Variants in AACS observed in about 807,000 individuals in gnomAD.
The protein encoded by AACS is acetoacetyl-CoA synthetase.
Under a neutral mutation model 83.1 loss-of-function variants are expected in AACS, and 69 were observed. The observed-to-expected ratio is 0.83, with a 90% confidence interval of 0.68 to 1.01. The LOEUF (loss-of-function observed/expected upper bound fraction) is 1.01. Ranked by LOEUF, AACS falls within the 50% of genes least tolerant of loss-of-function variation. The pLI is 0.00. For synonymous variants in AACS, 333 were observed against 343.4 expected (o/e 0.97, Z 0.33); for missense variants, 866 against 882.2 (o/e 0.98, Z 0.23).
At chr12:125,095,640 C>T (rs1956591313) in intron 5 of AACS, among the ~76,000 whole-genome samples, 1 of 152,184 alleles carries the variant, frequency 6.6e-6, no homozygotes, top group South Asian at 2.1e-4. Context: ...GCCTCTTCTC[C>T]CTCCCGCCTA....
intron 15 of AACS, 100 bp downstream of exon 15, chr12:125,134,172 TC>T: frequency 7.7e-7 from 1 of 1,292,056 alleles, no homozygotes; most frequent in Non-Finnish European, 1.1e-6. Flanking sequence ...GTGACCCCCT[TC>T]CTGGGCACCT....
chr12:125,107,229 C>T lies in AACS; in HGVS notation c.876C>T (p.Gly292=). The stretch of plus-strand genomic sequence containing the variant: ...CACTGTTCATCATGTTCTCATCGGG[C>T]ACCACGGGCGCACCCAAGTGCATGG... ...SHPLFIMFSS[G]TTGAPKCMVH... is the part of the protein sequence containing the mutation. Residue 292 remains glycine (G), a synonymous_variant, in exon 8 of 18, where the codon GGC becomes GGT. Transcript: ENST00000316519. The T allele has an allele frequency of 6.2e-7, 1 of 1,614,078 alleles. No individual in the cohort carries two copies. Among genetic ancestry groups the T allele is most frequent in the Non-Finnish European group, 8.5e-7 (1 of 1,180,042 alleles).
chr12:125,118,644 G>A lies in AACS; in HGVS notation c.1000G>A (p.Gly334Ser), dbSNP rs780319998. The change falls in exon 10 of 18, where the codon GGC becomes AGC. Residue 334 changes from glycine to serine, a missense_variant. By Grantham distance (56) the Gly-to-Ser change is moderately conservative (BLOSUM62 0). Transcript: ENST00000316519. ...SDILLCYTTV[G>S]WMMWNWMVSL... ...CGCATCCCTCCTGTCTTTGCAGGTC[G>A]GCTGGATGATGTGGAACTGGATGGT... is the stretch of plus-strand genomic sequence containing the variant. 3.7e-6 allele frequency: 6 copies of A among 1,614,058 alleles called. No homozygotes were observed. The highest frequency in any genetic ancestry group is 3.3e-5 in the South Asian group (3 of 91,050).
chr12:125,132,247 G>A (rs1957338856), intron 14 of AACS, among the ~76,000 whole-genome samples: 1 of 152,220 alleles, frequency 6.6e-6, no homozygotes, highest in Non-Finnish European at 1.5e-5. Context: ...TGTCGGGGAA[G>A]TTTTCACAAA....
intron 17 of AACS, 29 bp from the exon 18 acceptor site, chr12:125,142,063 G>C (rs1223339093): frequency 6.2e-7 from 1 of 1,613,248 alleles, no homozygotes; most frequent in Non-Finnish European, 8.5e-7. Context: ...AGGTTTAAAT[G>C]TTCCTGTTTT....
intron 3 of AACS, among the ~76,000 whole-genome samples, chr12:125,080,545 G>A (rs936892012): frequency 2.0e-5 from 3 of 151,332 alleles, no homozygotes; most frequent in African/African-American, 7.3e-5. Context: ...TTTAAACCCG[G>A]CCCTGTCTCG....
At position 125,143,143 on chromosome 12, in the gene AACS, A is replaced by G. The variant is rs1161508745; in HGVS notation, c.*914A>G. 9 of 152,210 alleles carry G rather than the reference A, an allele frequency of 5.9e-5. No homozygotes were observed. The highest frequency in any genetic ancestry group is 4.6e-4 in the Admixed American group (7 of 15,274). 9.4% of individuals were successfully genotyped at this position (152,210 alleles called of 1,614,324 possible). A position where few individuals can be genotyped will look rare whatever the true frequency, so the allele number is the denominator to read the frequency against. On this transcript the variant is annotated 3_prime_UTR_variant, in exon 18 of 18. Coordinates refer to ENST00000316519, the MANE Select transcript of AACS (RefSeq NM_023928.5). The stretch of plus-strand genomic sequence containing the variant: ...CCATAGCCAGGCAGTTGGTATGTAC[A>G]ATTCAGTTCAGCGTATGAACTTGTA...
intron 5 of AACS, chr12:125,101,658 C>T (rs754261927): frequency 5.3e-5 from 8 of 151,266 alleles, no homozygotes; most frequent in Non-Finnish European, 1.0e-4. Context: ...ACTCTATACT[C>T]TTCATATTTC....
At position 125,114,543 on chromosome 12, in the gene AACS, C is replaced by G. The variant is rs763352151; in HGVS notation, c.982C>G (p.Leu328Val). The G allele has an allele frequency of 1.9e-5, 31 of 1,612,170 alleles. No individual in the cohort carries two copies. Among genetic ancestry groups the G allele is most frequent in the Non-Finnish European group, 2.5e-5 (29 of 1,179,156 alleles). The part of the protein sequence containing the change: ...HGNMTSSDIL[L>V]CYTTVGWMMW... ...CAACATGACCAGCAGTGACATCCTC[C>G]TGTGCTACACCACGGTAAGGGCTTC... Residue 328 changes from leucine to valine, a missense_variant, in exon 9 of 18, where the codon CTG (leucine) becomes GTG (valine). Physicochemically the swap from Leu to Val is conservative, Grantham distance 32. Transcript: ENST00000316519.
In AACS at chr12:125,074,084, A is replaced by G. The variant is rs955149004; in HGVS notation, c.237+105A>G. Reference sequence around the variant, plus strand: ...AATTGTATCTCCTTTTTACAACCTCATGCAGATGGGAAAAAGTCATTGCCC... The same window carrying G: ...AATTGTATCTCCTTTTTACAACCTCGTGCAGATGGGAAAAAGTCATTGCCC... On this transcript the variant is annotated intron_variant, in intron 2 of 17. Coordinates refer to ENST00000316519, the MANE Select transcript of AACS (RefSeq NM_023928.5). 2.0e-5 allele frequency: 18 copies of G among 910,900 alleles called. No homozygotes were observed. In the African/African-American group the frequency reaches 2.5e-4, roughly 13 times the overall value. 56.4% of individuals were successfully genotyped at this position (910,900 alleles called of 1,614,324 possible). A position where few individuals can be genotyped will look rare whatever the true frequency, so the allele number is the denominator to read the frequency against.
intron 5 of AACS, 35 bp from the exon 6 acceptor site, chr12:125,102,644 G>C (rs865798388): frequency 6.2e-7 from 1 of 1,600,674 alleles, no homozygotes; most frequent in African/African-American, 1.3e-5. Flanking sequence ...TTGCCTTTTG[G>C]ATGATCAATG....
chr12:125,083,692 C>T (rs942570411), intron 3 of AACS, among the ~76,000 whole-genome samples: 1 of 152,054 alleles, frequency 6.6e-6, no homozygotes. Flanking sequence ...CTCACTCGGT[C>T]GCCGAGGCTG....
chr12:125,104,699 C>T (rs902649738), intron 7 of AACS, among the ~76,000 whole-genome samples: 3 of 152,164 alleles, frequency 2.0e-5, no homozygotes, highest in African/African-American at 7.2e-5. Context: ...TCTCCAGATC[C>T]GACTTGTCAG....
intron 3 of AACS, among the ~76,000 whole-genome samples, 179 bp downstream of exon 3, chr12:125,076,790 T>C (rs939315343): frequency 6.6e-6 from 1 of 152,214 alleles, no homozygotes; most frequent in African/African-American, 2.4e-5. Context: ...CAGTGTGTGG[T>C]CATGCTTTAT....
chr12:125,141,061 C>T (rs1354757368), intron 17 of AACS: 1 of 152,230 alleles, frequency 6.6e-6, no homozygotes, highest in East Asian at 1.9e-4. Context: ...GCCTTATAGC[C>T]TAGGTGCTGG....
At position 125,113,495 on chromosome 12, in the gene AACS, G is replaced by C. The variant is rs763210606; in HGVS notation, c.916-982G>C. On this transcript the variant is annotated intron_variant, in intron 8 of 17. Transcript: ENST00000316519. The surrounding 1 kb of genome is among the most constrained non-coding windows in gnomAD (Gnocchi z 4.8). ...GCAGGGGCCACTGGCTCTGCTCTCT[G>C]GGTTGTGCCTGGCGATGGGAAGCTT... 8.5e-5 allele frequency among the ~76,000 whole-genome samples: 13 copies of C among 152,198 alleles called. No individual in the cohort carries two copies. The highest frequency in any genetic ancestry group is 2.1e-4 in the South Asian group (1 of 4,828).
intron 4 of AACS, among the ~76,000 whole-genome samples, chr12:125,087,291 G>T (rs1956360747): frequency 6.6e-6 from 1 of 152,226 alleles, no homozygotes; most frequent in Non-Finnish European, 1.5e-5. Context: ...TCTGGGCCGG[G>T]GCTCTCCTTT....
chr12:125,080,823 C>T lies in AACS; in HGVS notation c.358+4212C>T, dbSNP rs1449962257. ...TCTCCTGCCTCAGCCTCCCGAGTAG[C>T]TGGGACTACAGGCGCCCGCCACCAC... On this transcript the variant is annotated intron_variant, in intron 3 of 17. Coordinates refer to ENST00000316519, the MANE Select transcript of AACS (RefSeq NM_023928.5). 2.0e-5 allele frequency among the ~76,000 whole-genome samples: 3 copies of T among 151,728 alleles called. 1 individual carries two copies. Among genetic ancestry groups the T allele is most frequent in the African/African-American group, 7.3e-5 (3 of 41,344 alleles).
chr12:125,103,848 TGTG>T (rs1215088327), intron 7 of AACS, among the ~76,000 whole-genome samples: 1 of 150,864 alleles, frequency 6.6e-6, no homozygotes, highest in Non-Finnish European at 1.5e-5. Context: ...ATTAGCCAGG[TGTG>T]GTGGCGGGCA....
Sources: allele counts gnomAD v4.1 joint callset (sites outside exome capture counted in the v4.1 genomes callset), GRCh38; gene constraint gnomAD v4.1.1; non-coding constraint Gnocchi (gnomAD v3.1); transcripts MANE v1.5; gene names NCBI Gene and HGNC (gene_info 2026-07-23, HGNC 2026-07-21).